Variants in LDLRAD4 observed in about 807,000 individuals in gnomAD.
The protein encoded by LDLRAD4 is low-density lipoprotein receptor class A domain-containing protein 4.
A neutral mutation model predicts 17.0 loss-of-function variants in LDLRAD4; 5 were observed. The ratio of observed to expected loss-of-function variants is 0.29; its 90% confidence interval spans 0.15 to 0.62. LDLRAD4 has a LOEUF of 0.62. LDLRAD4 is among the 20% of genes least tolerant of loss of function. The pLI, the probability that LDLRAD4 is intolerant of heterozygous loss-of-function variation, is 0.84. For synonymous variants in LDLRAD4, 168 were observed against 171.8 expected (o/e 0.98, Z 0.17); for missense variants, 340 against 424.7 (o/e 0.80, Z 1.75).
At chr18:13,378,361 G>C (rs1253303708) in intron 1 of LDLRAD4, among the ~76,000 whole-genome samples, 4 of 152,076 alleles carry the variant, frequency 2.6e-5, no homozygotes. Flanking sequence ...TTGTCAGAAG[G>C]GTGGTTTGTT....
chr18:13,296,834 T>C (rs2046306472), intron 1 of LDLRAD4, among the ~76,000 whole-genome samples: 2 of 152,186 alleles, frequency 1.3e-5, no homozygotes, highest in Non-Finnish European at 2.9e-5. Flanking sequence ...TTAAAAATTG[T>C]TTTAAGACCT....
At chr18:13,485,621 C>CCA (rs1490355612) in intron 3 of LDLRAD4, among the ~76,000 whole-genome samples, 1 of 152,196 alleles carries the variant, frequency 6.6e-6, no homozygotes, top group Non-Finnish European at 1.5e-5. Flanking sequence ...GATCACCTGC[C>CCA]CACTTGCTGT....
At chr18:13,582,914 G>T (rs1212865905) in intron 3 of LDLRAD4, among the ~76,000 whole-genome samples, 1 of 152,100 alleles carries the variant, frequency 6.6e-6, no homozygotes, top group East Asian at 1.9e-4. Context: ...ATGGGGTCTT[G>T]CTATGTTGCC....
chr18:13,495,680 T>A (rs1233932597), intron 3 of LDLRAD4, among the ~76,000 whole-genome samples: 1 of 152,284 alleles, frequency 6.6e-6, no homozygotes, highest in East Asian at 1.9e-4. Flanking sequence ...AGGAATAGAT[T>A]AATAGACTCA....
rs150255958 is a variant in LDLRAD4 at position 13,510,799 on chromosome 18, C to T, written c.181+72415C>T. Among the ~76,000 whole-genome samples the T allele has an allele frequency of 7.9e-5, 12 of 152,240 alleles. No individual in the cohort carries two copies. In the East Asian group the frequency reaches 1.9e-3, roughly 24 times the overall value. ...GCTGGTGATGGACTGTCTGTCTCCA[C>T]GGCAGAGTATGGAAGCAGAGAGGCA... On this transcript the variant is annotated intron_variant, in intron 3 of 5. Transcript: ENST00000359446.
chr18:13,602,097 A>G (rs1028701277), intron 3 of LDLRAD4, among the ~76,000 whole-genome samples: 2 of 152,216 alleles, frequency 1.3e-5, no homozygotes, highest in African/African-American at 4.8e-5. Flanking sequence ...TTATACATGG[A>G]AGCTAAGCAC....
chr18:13,360,232 A>G (rs7237577), intron 1 of LDLRAD4, among the ~76,000 whole-genome samples: 60,981 of 152,038 alleles, frequency 0.4, 12,612 homozygotes, highest in African/African-American at 0.52. Flanking sequence ...AAAACATCAC[A>G]TCTCGGAGCC....
At chr18:13,403,500 A>G (rs2087418707) in intron 2 of LDLRAD4, among the ~76,000 whole-genome samples, 1 of 152,186 alleles carries the variant, frequency 6.6e-6, no homozygotes, top group Non-Finnish European at 1.5e-5. Flanking sequence ...CAGTGAGTGT[A>G]TGTTGGCAGT....
chr18:13,465,826 G>C (rs2092596334), intron 3 of LDLRAD4, among the ~76,000 whole-genome samples: 3 of 152,186 alleles, frequency 2.0e-5, no homozygotes, highest in African/African-American at 7.2e-5. Context: ...TTGTGGACAT[G>C]TGTATAAACC....
chr18:13,236,089 T>C (rs998178421), intron 1 of LDLRAD4, among the ~76,000 whole-genome samples: 1 of 152,200 alleles, frequency 6.6e-6, no homozygotes, highest in African/African-American at 2.4e-5. Flanking sequence ...TGTGTGTCTT[T>C]TTAAGCATTT....
chr18:13,625,252 A>C (rs2041026618), intron 4 of LDLRAD4, among the ~76,000 whole-genome samples: 1 of 152,152 alleles, frequency 6.6e-6, no homozygotes, highest in Non-Finnish European at 1.5e-5. Flanking sequence ...GAATTAACCA[A>C]CTTCTAGGTG....
chr18:13,290,295 T>C (rs1257774901), intron 1 of LDLRAD4, among the ~76,000 whole-genome samples: 2 of 152,220 alleles, frequency 1.3e-5, no homozygotes, highest in African/African-American at 4.8e-5. Flanking sequence ...CAGTTAACCT[T>C]TTACATACCT....
intron 3 of LDLRAD4, among the ~76,000 whole-genome samples, chr18:13,453,570 A>T (rs1372863883): frequency 1.3e-5 from 2 of 152,174 alleles, no homozygotes; most frequent in African/African-American, 2.4e-5. Flanking sequence ...GACCTCTGTT[A>T]TTAACTTTAA....
chr18:13,382,367 T>C (rs2085435280), intron 1 of LDLRAD4, among the ~76,000 whole-genome samples: 1 of 152,146 alleles, frequency 6.6e-6, no homozygotes, highest in Middle Eastern at 3.2e-3. Flanking sequence ...TCATATAAGT[T>C]TTTGTGAATA....
At chr18:13,640,042 T>C (rs572583274) in intron 4 of LDLRAD4, among the ~76,000 whole-genome samples, 2 of 152,256 alleles carry the variant, frequency 1.3e-5, no homozygotes, top group African/African-American at 4.8e-5. Context: ...ATCCCAGCAC[T>C]TTGGGAGGCC....
At chr18:13,498,435 A>C (rs1056573975) in intron 3 of LDLRAD4, among the ~76,000 whole-genome samples, 9 of 147,946 alleles carry the variant, frequency 6.1e-5, no homozygotes, top group Non-Finnish European at 8.9e-5. Context: ...TTCTCGCCAC[A>C]CACATCCCGC....
chr18:13,603,162 A>G (rs1601650389), intron 3 of LDLRAD4, among the ~76,000 whole-genome samples: 1 of 152,230 alleles, frequency 6.6e-6, no homozygotes, highest in East Asian at 1.9e-4. Context: ...CAATAACCTT[A>G]AATTTCCAGA....
chr18:13,593,678 G>C (rs1038798342), intron 3 of LDLRAD4, among the ~76,000 whole-genome samples: 1 of 152,180 alleles, frequency 6.6e-6, no homozygotes, highest in Non-Finnish European at 1.5e-5. Flanking sequence ...GGCTGGCCTT[G>C]AACTCCTGAA....
At chr18:13,482,030 C>T (rs973609983) in intron 3 of LDLRAD4, among the ~76,000 whole-genome samples, 4 of 151,790 alleles carry the variant, frequency 2.6e-5, no homozygotes, top group African/African-American at 9.7e-5. Context: ...AGGAGCTCTC[C>T]AGACTGAGGA....
Sources: allele counts gnomAD v4.1 joint callset (sites outside exome capture counted in the v4.1 genomes callset), GRCh38; gene constraint gnomAD v4.1.1; transcripts MANE v1.5; gene names NCBI Gene and HGNC (gene_info 2026-07-23, HGNC 2026-07-21).